The following STK32A variants were observed in gnomAD, a reference collection of about 807,000 sequenced individuals.
The protein encoded by STK32A is serine/threonine kinase 32A.
A neutral mutation model predicts 53.2 loss-of-function variants in STK32A; 41 were observed. The ratio of observed to expected loss-of-function variants is 0.77; its 90% CI spans 0.60 to 1.00. The LOEUF is 1.00. Among genes scored for constraint, STK32A ranks in the 50% least tolerant of loss-of-function variants. The pLI, the probability that STK32A is intolerant of heterozygous loss-of-function variation, is 0.00. For synonymous variants in STK32A, 166 were observed against 162.8 expected, an observed-to-expected ratio of 1.02 and a Z score of -0.15; for missense variants, 458 against 485.8, an observed-to-expected ratio of 0.94 and a Z score of 0.54.
chr5:147,277,878 A>T (rs929904300), intron 2 of STK32A, among the ~76,000 whole-genome samples: 1 of 152,152 alleles, frequency 6.6e-6, no homozygotes, highest in Non-Finnish European at 1.5e-5. Flanking sequence ...TCACTTGACT[A>T]CAGACTCCAT....
chr5:147,336,520 C>G (rs965586938), intron 5 of STK32A, among the ~76,000 whole-genome samples: 1 of 152,264 alleles, frequency 6.6e-6, no homozygotes. Context: ...TATATACTTA[C>G]ATGGAATACT....
intron 4 of STK32A, among the ~76,000 whole-genome samples, chr5:147,306,014 AG>A (rs1330104836): frequency 1.3e-5 from 2 of 151,834 alleles, no homozygotes; most frequent in East Asian, 3.9e-4. Context: ...GGGTTTACAT[AG>A]GTTTAGCTGG....
chr5:147,370,564 C>T (rs1006093286), intron 8 of STK32A, 90 bp from the exon 9 acceptor site: 9 of 744,220 alleles, frequency 1.2e-5, no homozygotes, highest in Non-Finnish European at 1.8e-5. Flanking sequence ...GATATTTTAT[C>T]GGTTGAAAGT....
At chr5:147,334,629 T>C (rs1393338216) in intron 5 of STK32A, among the ~76,000 whole-genome samples, 1 of 152,190 alleles carries the variant, frequency 6.6e-6, no homozygotes, top group Non-Finnish European at 1.5e-5. Context: ...GAGGATAGTG[T>C]GGAATAAAGT....
downstream of STK32A, chr5:147,392,282 A>G (rs1757833326): frequency 6.6e-6 from 1 of 152,248 alleles, no homozygotes; most frequent in South Asian, 2.1e-4. Flanking sequence ...AAGGGGAAAT[A>G]GTCTTTTTTC....
In STK32A at chr5:147,314,521, AAAAAAC is replaced by A. The variant is rs1561713476; in HGVS notation, c.261-9371_261-9366del. ...ATCAAAAAAAACAAAAAAAAACAAA[AAAAAAC>A]AAAAAAAAAAAAAGAACAAAGATTT... is the stretch of plus-strand genomic sequence containing the variant. On this transcript the variant is annotated intron_variant, in intron 4 of 12. Coordinates refer to ENST00000397936, the MANE Select transcript of STK32A (RefSeq NM_001112724.2). Among the ~76,000 whole-genome samples the A allele has an allele frequency of 3.4e-3, 56 of 16,594 alleles. 9 individuals carry two copies. Among genetic ancestry groups the A allele is most frequent in the African/African-American group, 7.8e-3 (49 of 6,306 alleles). The allele number at this position is 16,594 out of a possible 152,430, so 10.9% of individuals were successfully genotyped here.
In STK32A at chr5:147,269,156, C is replaced by T. The variant is rs547125955; in HGVS notation, c.53-8968C>T. On this transcript the variant is annotated intron_variant, in intron 2 of 12. Transcript: ENST00000397936. ...AATAGTAATACTGTTTCAGAGTTGG[C>T]GCAAAATTAGGATAATATATGTAAC... 1.0e-3 allele frequency among the ~76,000 whole-genome samples: 157 copies of T among 152,010 alleles called. 1 individual carries two copies. The highest frequency in any genetic ancestry group is 3.5e-3 in the African/African-American group (145 of 41,468).
At position 147,384,391 on chromosome 5, in the gene STK32A, G is replaced by A; in HGVS notation, c.*408G>A. ...ATTATGCAGTGACAAATGGACAAATGGACACAGGACTCAGTGAGACTTTTC... is the reference window on the plus strand; with the variant it reads ...ATTATGCAGTGACAAATGGACAAATAGACACAGGACTCAGTGAGACTTTTC... On this transcript the variant is annotated 3_prime_UTR_variant, in exon 13 of 13. Transcript: ENST00000397936. The A allele has an allele frequency of 6.5e-7, 1 of 1,532,632 alleles. No individual in the cohort carries two copies. 94.9% of individuals were successfully genotyped at this position (1,532,632 alleles called of 1,614,324 possible). A position where few individuals can be genotyped will look rare whatever the true frequency, so the allele number is the denominator to read the frequency against.
At chr5:147,315,621 A>T (rs1753956985) in intron 4 of STK32A, among the ~76,000 whole-genome samples, 1 of 152,214 alleles carries the variant, frequency 6.6e-6, no homozygotes, top group African/African-American at 2.4e-5. Flanking sequence ...TCTGTTAGCA[A>T]TGATGAAAAT....
intron 2 of STK32A, among the ~76,000 whole-genome samples, chr5:147,256,764 G>A (rs1044833615): frequency 3.3e-5 from 5 of 151,962 alleles, no homozygotes; most frequent in Admixed American, 6.6e-5. Context: ...CCCCTGCCTC[G>A]GCCTCCCAAA....
chr5:147,388,693 C>T (rs1757730626), downstream of STK32A, among the ~76,000 whole-genome samples: 1 of 152,112 alleles, frequency 6.6e-6, no homozygotes, highest in Non-Finnish European at 1.5e-5. Context: ...TTATTTGGAA[C>T]CAGAGGGCCC....
At chr5:147,296,602 A>G (rs1389531041) in intron 4 of STK32A, among the ~76,000 whole-genome samples, 1 of 152,130 alleles carries the variant, frequency 6.6e-6, no homozygotes, top group East Asian at 1.9e-4. Context: ...CTTAGTGTGC[A>G]TGCTTGAGCC....
At chr5:147,376,567 A>G (rs1283766376) in intron 11 of STK32A, among the ~76,000 whole-genome samples, 3 of 152,142 alleles carry the variant, frequency 2.0e-5, no homozygotes, top group Non-Finnish European at 2.9e-5. Flanking sequence ...GACCATACGT[A>G]CCATGCTCAA....
Position 147,383,451 on chromosome 5 carries a change from T to C in STK32A, c.1043T>C (p.Leu348Pro). Reference protein sequence around the residue: ...RKCDSSQTCLLQEHLDSVQKE... With the variant: ...RKCDSSQTCLPQEHLDSVQKE... ...ACGTTCACCTGGAAGACATGTCTTC[T>C]TCAAGAGCACCTTGACTCTGTCCAG... Residue 348 changes from leucine to proline, a missense_variant, in exon 12 of 13, where the codon CTT becomes CCT. Transcript: ENST00000397936. 1 of 1,597,752 alleles carries C rather than the reference T, an allele frequency of 6.3e-7. No individual in the cohort carries two copies. Among genetic ancestry groups the C allele is most frequent in the Non-Finnish European group, 8.5e-7 (1 of 1,171,696 alleles).
intron 7 of STK32A, among the ~76,000 whole-genome samples, chr5:147,358,122 C>T (rs1397270064): frequency 2.6e-5 from 4 of 151,722 alleles, no homozygotes; most frequent in South Asian, 4.2e-4. Flanking sequence ...ATTTAATACC[C>T]ACGTTTAAAA....
intron 2 of STK32A, among the ~76,000 whole-genome samples, chr5:147,259,224 C>T (rs1448054198): frequency 1.3e-5 from 2 of 152,156 alleles, no homozygotes; most frequent in Non-Finnish European, 2.9e-5. Flanking sequence ...TAGTAAGCTA[C>T]ATTTTCACTT....
intron 4 of STK32A, among the ~76,000 whole-genome samples, chr5:147,295,527 G>A (rs777101062): frequency 2.6e-5 from 4 of 152,154 alleles, no homozygotes; most frequent in Non-Finnish European, 5.9e-5. Flanking sequence ...CTTATTTACC[G>A]AAGATTTACC....
chr5:147,350,969 A>G (rs1452931380), intron 6 of STK32A, 96 bp from the exon 7 acceptor site: 2 of 1,014,102 alleles, frequency 2.0e-6, no homozygotes, highest in East Asian at 5.0e-5. Context: ...GCCTACAAGA[A>G]TTAACAGACT....
chr5:147,372,227 A>G (rs1316780508), intron 9 of STK32A, among the ~76,000 whole-genome samples: 3 of 144,898 alleles, frequency 2.1e-5, no homozygotes, highest in African/African-American at 7.5e-5. Flanking sequence ...TTGAGTGATG[A>G]TACAAAACAA....
Sources: allele counts gnomAD v4.1 joint callset (sites outside exome capture counted in the v4.1 genomes callset), GRCh38; gene constraint gnomAD v4.1.1; transcripts MANE v1.5; gene names NCBI Gene and HGNC (gene_info 2026-07-23, HGNC 2026-07-21).